AQP2: variants seen among roughly 807,000 people sequenced by gnomAD.
The protein encoded by AQP2 is aquaporin 2.
AQP2 carries 20 observed loss-of-function variants against 21.6 expected under a neutral mutation model. The ratio of observed to expected loss-of-function variants is 0.92; its 90% CI spans 0.65 to 1.34. The LOEUF is 1.34. Ranked by LOEUF, AQP2 falls within the 40% of genes most tolerant of loss-of-function variation. The pLI is 0.00. For missense variants in AQP2, 325 were observed against 363.4 expected (o/e 0.89, Z 0.86); for synonymous variants, 168 against 166.9 (o/e 1.01, Z -0.05).
In AQP2 at chr12:49,957,872, ACTC is replaced by A. The variant is rs1313698797; in HGVS notation, c.*2268_*2270del. On this transcript the variant is annotated 3_prime_UTR_variant, in exon 4 of 4. Coordinates refer to ENST00000199280, the MANE Select transcript of AQP2 (RefSeq NM_000486.6). Reference sequence around the variant, plus strand: ...TCCCCACCCCACCTCACCCCAACAAACTCCTCTAGAAGAAGCCAAGAATTTCTC... The same window carrying A: ...TCCCCACCCCACCTCACCCCAACAAACTCTAGAAGAAGCCAAGAATTTCTC... The A allele has an allele frequency of 6.7e-6, 1 of 149,746 alleles. No individual in the cohort carries two copies. The highest frequency in any genetic ancestry group is 1.5e-5 in the Non-Finnish European group (1 of 67,006). 9.3% of individuals were successfully genotyped at this position (149,746 alleles called of 1,614,324 possible). A position where few individuals can be genotyped will look rare whatever the true frequency, so the allele number is the denominator to read the frequency against.
At chr12:49,951,232 G>A (rs75237639) in intron 1 of AQP2, 42 bp downstream of exon 1, 71 of 1,574,576 alleles carry the variant, frequency 4.5e-5, no homozygotes, top group African/African-American at 4.4e-4. Flanking sequence ...GGCAGGTCCT[G>A]GGGAATCCCT....
chr12:49,950,852 G>T lies in AQP2; in HGVS notation c.22G>T (p.Ala8Ser). 1 of 1,612,876 alleles carries T rather than the reference G, an allele frequency of 6.2e-7. No homozygotes were observed. Residue 8 changes from alanine (A) to serine (S), a missense_variant, in exon 1 of 4, where the codon GCC becomes TCC. Physicochemically the swap from Ala to Ser is moderately conservative, Grantham distance 99 (BLOSUM62 1). Coordinates refer to ENST00000199280, the MANE Select transcript of AQP2 (RefSeq NM_000486.6). MWELRSI[A>S]FSRAVFAEFL... ...CAGCATGTGGGAGCTCCGCTCCATA[G>T]CCTTCTCCAGGGCTGTGTTCGCAGA...
At chr12:49,955,354 C>G (rs143516257) in intron 3 of AQP2, 45 bp from the exon 4 acceptor site, 2 of 1,592,132 alleles carry the variant, frequency 1.3e-6, no homozygotes, top group South Asian at 1.1e-5. Flanking sequence ...CTCCGCGTGC[C>G]GGTGCCGGCG....
At chr12:49,952,753 T>G (rs748664453) in intron 1 of AQP2, among the ~76,000 whole-genome samples, 4 of 152,168 alleles carry the variant, frequency 2.6e-5, no homozygotes, top group African/African-American at 7.2e-5. Context: ...GAACCCTGCC[T>G]GGATGGAATG....
At chr12:49,952,958 C>T (rs1365028844) in intron 1 of AQP2, among the ~76,000 whole-genome samples, 1 of 152,172 alleles carries the variant, frequency 6.6e-6, no homozygotes, top group Non-Finnish European at 1.5e-5. Flanking sequence ...TCTGTGGTTC[C>T]CCCTATGGTG....
chr12:49,952,469 T>G (rs985483712), intron 1 of AQP2, among the ~76,000 whole-genome samples: 2 of 152,024 alleles, frequency 1.3e-5, no homozygotes, highest in Non-Finnish European at 2.9e-5. Context: ...AAAGGCTAGG[T>G]GGGCAAGCAG....
Position 49,955,387 on chromosome 12 carries a change from G to A in AQP2, c.607-12G>A. ...GCGCGGGTGCCAAGCCGCCCTCTCC[G>A]CTCGCCCCCAGGTCTTCTGGATCGG... On this transcript the variant is annotated splice_polypyrimidine_tract_variant and intron_variant, in intron 3 of 3. Coordinates refer to ENST00000199280, the MANE Select transcript of AQP2 (RefSeq NM_000486.6). The A allele has an allele frequency of 6.2e-7, 1 of 1,610,164 alleles. No individual in the cohort carries two copies. Among genetic ancestry groups the A allele is most frequent in the Non-Finnish European group, 8.5e-7 (1 of 1,178,300 alleles).
rs190316302 is a variant in AQP2, at chr12:49,953,283, G to A, written c.361-872G>A. Among the ~76,000 whole-genome samples, 646 of 152,332 alleles carry A rather than the reference G, an allele frequency of 4.2e-3. 1 individual carries two copies. The highest frequency in any genetic ancestry group is 7.6e-3 in the Non-Finnish European group (514 of 68,038). ...GGGGTTCAGGGCCTGGAGAAAGAGC[G>A]TGGGAGCTGAGAGCTGTCACTGTTC... On this transcript the variant is annotated intron_variant, in intron 1 of 3. Coordinates refer to ENST00000199280, the MANE Select transcript of AQP2 (RefSeq NM_000486.6).
chr12:49,955,344 C>G, intron 3 of AQP2, 55 bp from the exon 4 acceptor site: 1 of 1,571,854 alleles, frequency 6.4e-7, no homozygotes, highest in Non-Finnish European at 8.7e-7. Context: ...GGCCTGCGGG[C>G]TCCGCGTGCC....
In AQP2 at chr12:49,951,207, T is replaced by A. The variant is rs890720873; in HGVS notation, c.360+17T>A. Reference sequence around the variant, plus strand: ...GTCAATGCTGTGAGTAGCCACAACTTTGCCATCCACAAGGGGCAGGTCCTG... The same window carrying A: ...GTCAATGCTGTGAGTAGCCACAACTATGCCATCCACAAGGGGCAGGTCCTG... On this transcript the variant is annotated intron_variant, in intron 1 of 3. Transcript: ENST00000199280. 1.3e-6 allele frequency: 2 copies of A among 1,599,440 alleles called. No homozygotes were observed. Among genetic ancestry groups the A allele is most frequent in the Admixed American group, 3.4e-5 (2 of 58,924 alleles).
At chr12:49,954,731 C>A in intron 3 of AQP2, 21 bp downstream of exon 3, 3 of 1,609,842 alleles carry the variant, frequency 1.9e-6, no homozygotes, top group African/African-American at 1.3e-5. Context: ...AAACCCCCTG[C>A]CCTCCCCTTC....
chr12:49,951,344 G>T (rs1158108523), intron 1 of AQP2, among the ~76,000 whole-genome samples, 154 bp downstream of exon 1: 1 of 152,176 alleles, frequency 6.6e-6, no homozygotes, highest in Non-Finnish European at 1.5e-5. Context: ...AGCCACCATA[G>T]GAGGGTCAGG....
intron 1 of AQP2, among the ~76,000 whole-genome samples, chr12:49,952,453 C>T (rs954146425): frequency 2.6e-5 from 4 of 152,114 alleles, no homozygotes; most frequent in African/African-American, 9.7e-5. Flanking sequence ...GGGCCAGGGG[C>T]CAAGGAAAGG....
At chr12:49,954,426 G>C in intron 2 of AQP2, 107 bp downstream of exon 2, 1 of 1,358,150 alleles carries the variant, frequency 7.4e-7, no homozygotes, top group Non-Finnish European at 1.0e-6. Flanking sequence ...GAACTCTCAA[G>C]AGGAACAGAC....
chr12:49,953,239 T>C (rs966212776), intron 1 of AQP2, among the ~76,000 whole-genome samples: 2 of 152,224 alleles, frequency 1.3e-5, no homozygotes, highest in Admixed American at 6.5e-5. Context: ...TCTGACCTGA[T>C]GTCTCGGACC....
At chr12:49,951,395 C>G (rs1286028158) in intron 1 of AQP2, 1 of 744,500 alleles carries the variant, frequency 1.3e-6, no homozygotes, top group East Asian at 2.7e-5. Flanking sequence ...AGGATGCAGA[C>G]AGACTGCTGG....
intron 3 of AQP2, among the ~76,000 whole-genome samples, 190 bp from the exon 4 acceptor site, chr12:49,955,209 G>T (rs1310246989): frequency 6.6e-6 from 1 of 152,218 alleles, no homozygotes; most frequent in Non-Finnish European, 1.5e-5. Flanking sequence ...TTCAGAATTC[G>T]CACCCTTAAC....
In AQP2 at chr12:49,955,711, A is replaced by G. The variant is rs886049544; in HGVS notation, c.*103A>G. On this transcript the variant is annotated 3_prime_UTR_variant, in exon 4 of 4. Coordinates refer to ENST00000199280, the MANE Select transcript of AQP2 (RefSeq NM_000486.6). ...CCCGCAGGTCTGAAGTTGGCCCCCC[A>G]GCGCAGAGTAGCTGCTTCCTGGACG... The G allele has an allele frequency of 5.1e-6, 7 of 1,376,060 alleles. No individual in the cohort carries two copies. The highest frequency in any genetic ancestry group is 6.0e-6 in the Non-Finnish European group (6 of 1,004,526). The allele number at this position is 1,376,060 out of a possible 1,614,324, so 85.2% of individuals were successfully genotyped here.
chr12:49,954,220 G>T lies in AQP2; in HGVS notation c.426G>T (p.Val142=). ...AGCTCTTCCTGACACTGCAGCTGGT[G>T]CTCTGCATCTTCGCCTCCACCGATG... ...TVELFLTLQL[V]LCIFASTDER... is the part of the protein sequence containing the mutation. Residue 142 remains valine, a synonymous_variant, in exon 2 of 4, where the codon GTG becomes GTT. Coordinates refer to ENST00000199280, the MANE Select transcript of AQP2 (RefSeq NM_000486.6). 3.1e-6 allele frequency: 5 copies of T among 1,604,274 alleles called. No homozygotes were observed. Among genetic ancestry groups the T allele is most frequent in the Non-Finnish European group, 4.2e-6 (5 of 1,179,978 alleles).
Sources: gnomAD v4.1 joint callset for allele counts (sites outside exome capture counted in the v4.1 genomes callset) on GRCh38, gnomAD v4.1.1 for gene constraint, MANE v1.5 for transcripts, NCBI Gene and HGNC (gene_info 2026-07-23, HGNC 2026-07-21) for gene names.